The following CSMD1 variants were observed in gnomAD, a reference collection of about 807,000 sequenced individuals.
The protein encoded by CSMD1 is CUB and sushi domain-containing protein 1.
CSMD1 carries 213 observed loss-of-function variants against 417.5 expected under a neutral mutation model. The ratio of observed to expected loss-of-function variants is 0.51; its 90% CI spans 0.46 to 0.57. CSMD1 has a LOEUF of 0.57. Ranked by LOEUF, CSMD1 falls within the 20% of genes least tolerant of loss-of-function variation. The pLI, the probability that CSMD1 is intolerant of heterozygous loss-of-function variation, is 0.00. For synonymous variants in CSMD1, 2,862 were observed against 1,736.8 expected (o/e 1.65, Z -16.11); for missense variants, 6,923 against 4,529.7 (o/e 1.53, Z -15.17).
chr8:4,963,335 G>A lies in CSMD1; in HGVS notation c.85+30997C>T, dbSNP rs561988130. ...GTGCCTCAGCCTTCTGAGTAGCTGG[G>A]ATTACAGTCACACACCACCCTGCCC... On this transcript the variant is annotated intron_variant, in intron 1 of 69. Transcript: ENST00000635120. Among the ~76,000 whole-genome samples, 12 of 152,188 alleles carry A rather than the reference G, an allele frequency of 7.9e-5. No homozygotes were observed. The East Asian group carries it at 2.1e-3, about 27-fold the overall frequency.
At chr8:3,788,169 T>A (rs1016118677) in intron 5 of CSMD1, among the ~76,000 whole-genome samples, 1 of 152,222 alleles carries the variant, frequency 6.6e-6, no homozygotes, top group African/African-American at 2.4e-5. Context: ...AAACAAGGGA[T>A]TCATGTGATA....
At chr8:4,574,882 T>A (rs1302495121) in intron 2 of CSMD1, among the ~76,000 whole-genome samples, 1 of 152,244 alleles carries the variant, frequency 6.6e-6, no homozygotes, top group Non-Finnish European at 1.5e-5. Flanking sequence ...TTAAATAGAC[T>A]TTCTTTGTGA....
intron 3 of CSMD1, among the ~76,000 whole-genome samples, chr8:4,257,244 A>G (rs1274419246): frequency 6.6e-6 from 1 of 152,150 alleles, no homozygotes; most frequent in African/African-American, 2.4e-5. Context: ...TCTGCCATGT[A>G]TTTTAATTTT....
At chr8:3,271,290 G>A (rs1351034796) in intron 26 of CSMD1, among the ~76,000 whole-genome samples, 3 of 151,806 alleles carry the variant, frequency 2.0e-5, no homozygotes, top group Non-Finnish European at 4.4e-5. Flanking sequence ...AGTATTCCAT[G>A]GTGTATATGT....
intron 1 of CSMD1, among the ~76,000 whole-genome samples, chr8:4,853,960 G>A (rs1563594159): frequency 6.6e-6 from 1 of 152,030 alleles, no homozygotes; most frequent in Non-Finnish European, 1.5e-5. Flanking sequence ...CTTTCTTTTG[G>A]CCATTTTTTT....
At chr8:3,402,468 T>G (rs1160550844) in intron 15 of CSMD1, among the ~76,000 whole-genome samples, 2 of 152,148 alleles carry the variant, frequency 1.3e-5, no homozygotes, top group East Asian at 3.9e-4. Flanking sequence ...CATTGAGGAA[T>G]ACGAGCCTGT....
intron 30 of CSMD1, among the ~76,000 whole-genome samples, chr8:3,209,291 G>GTTTA (rs34211015): frequency 4.2e-4 from 63 of 150,216 alleles, no homozygotes; most frequent in Middle Eastern, 3.4e-3. Context: ...TTGTTTGTTT[G>GTTTA]TTTATTTATT....
chr8:4,688,060 G>C lies in CSMD1; in HGVS notation c.86-50502C>G, dbSNP rs1030663790. On this transcript the variant is annotated intron_variant, in intron 1 of 69. Coordinates refer to ENST00000635120, the MANE Select transcript of CSMD1 (RefSeq NM_033225.6). ...ATGATATCTAATTGATTGCCCTATG[G>C]CTCAGTTCACTCTCTTACCCAGTTT... 4.6e-5 allele frequency among the ~76,000 whole-genome samples: 7 copies of C among 151,970 alleles called. No homozygotes were observed. In the East Asian group the frequency reaches 1.2e-3, roughly 25 times the overall value.
At chr8:3,227,996 G>C (rs543627393) in intron 27 of CSMD1, among the ~76,000 whole-genome samples, 2 of 152,260 alleles carry the variant, frequency 1.3e-5, no homozygotes, top group East Asian at 3.9e-4. Context: ...TCAAACTCCT[G>C]ATGTCAAGTG....
intron 10 of CSMD1, among the ~76,000 whole-genome samples, chr8:3,512,532 CTGGTGGGT>C (rs879280355): frequency 5.6e-5 from 6 of 107,922 alleles, no homozygotes; most frequent in Admixed American, 1.1e-4. Context: ...GGCTGGTGGG[CTGGTGGGT>C]GAGTCCACAG....
chr8:4,325,105 T>G (rs962670404), intron 3 of CSMD1, among the ~76,000 whole-genome samples: 1 of 152,106 alleles, frequency 6.6e-6, no homozygotes, highest in Non-Finnish European at 1.5e-5. Flanking sequence ...AGTAACCCAC[T>G]TGATGATACT....
At chr8:4,101,812 G>A (rs972346671) in intron 3 of CSMD1, among the ~76,000 whole-genome samples, 5 of 132,690 alleles carry the variant, frequency 3.8e-5, no homozygotes, top group Admixed American at 8.1e-5. Context: ...AAAGTGAACG[G>A]AGAATTACTC....
intron 3 of CSMD1, among the ~76,000 whole-genome samples, chr8:4,347,163 G>A (rs745528998): frequency 2.8e-4 from 43 of 152,170 alleles, no homozygotes; most frequent in African/African-American, 9.2e-4. Flanking sequence ...AACTGGGATC[G>A]GTGTTCAAGT....
intron 1 of CSMD1, among the ~76,000 whole-genome samples, chr8:4,822,084 G>C (rs538515503): frequency 2.6e-5 from 4 of 151,880 alleles, no homozygotes; most frequent in African/African-American, 9.7e-5. Context: ...TTCGGGTTCA[G>C]TAAAAAAATT....
intron 41 of CSMD1, among the ~76,000 whole-genome samples, chr8:3,126,217 TG>T (rs1193410646): frequency 6.6e-6 from 1 of 152,184 alleles, no homozygotes; most frequent in Non-Finnish European, 1.5e-5. Context: ...CAGAATTAAA[TG>T]GGATGCTAAA....
rs532657590 is a variant in CSMD1 at position 3,979,284 on chromosome 8, A to G, written c.818+18619T>C. On this transcript the variant is annotated intron_variant, in intron 5 of 69. Coordinates refer to ENST00000635120, the MANE Select transcript of CSMD1 (RefSeq NM_033225.6). ...TTGGGAGCGGATTGCAATGTGCTCT[A>G]ATTTGTTCTGGATGTAGTAACAGAG... Among the ~76,000 whole-genome samples, 58 of 152,292 alleles carry G rather than the reference A, an allele frequency of 3.8e-4. 1 individual carries two copies. In the South Asian group the frequency reaches 6.6e-3, roughly 17 times the overall value.
intron 3 of CSMD1, among the ~76,000 whole-genome samples, chr8:4,142,226 T>C (rs770779704): frequency 1.5e-4 from 22 of 151,258 alleles, no homozygotes; most frequent in Non-Finnish European, 2.4e-4. Context: ...AGCCAAATTA[T>C]AGTGATACTT....
At chr8:3,267,588 A>G (rs960037504) in intron 26 of CSMD1, among the ~76,000 whole-genome samples, 3 of 152,164 alleles carry the variant, frequency 2.0e-5, no homozygotes, top group African/African-American at 7.2e-5. Context: ...CTGGTAAGAG[A>G]CTTTGAGGAT....
chr8:3,284,774 C>T (rs534177566), intron 25 of CSMD1: 8 of 166,256 alleles, frequency 4.8e-5, no homozygotes, highest in Non-Finnish European at 9.3e-5. Context: ...TAGGTGGCAG[C>T]AGCCACAGCA....
Sources: allele counts gnomAD v4.1 joint callset (sites outside exome capture counted in the v4.1 genomes callset), GRCh38; gene constraint gnomAD v4.1.1; transcripts MANE v1.5; gene names NCBI Gene and HGNC (gene_info 2026-07-23, HGNC 2026-07-21).